Variants in KCNJ1 observed in about 807,000 individuals in gnomAD.
KCNJ1 encodes potassium inwardly rectifying channel subfamily J member 1, also known as ATP-sensitive inward rectifier potassium channel 1.
KCNJ1 carries 24 observed loss-of-function variants against 21.9 expected under a neutral mutation model. That is an observed-to-expected ratio of 1.10 (90% CI 0.79 to 1.54). The LOEUF is 1.54. Among genes scored for constraint, KCNJ1 ranks in the 40% most tolerant of loss-of-function variants. The pLI, the probability that KCNJ1 is intolerant of heterozygous loss-of-function variation, is 0.00. For synonymous variants in KCNJ1, 152 were observed against 160.9 expected, an observed-to-expected ratio of 0.94 and a Z score of 0.42; for missense variants, 457 against 455.4, an observed-to-expected ratio of 1.00 and a Z score of -0.03.
intron 1 of KCNJ1, among the ~76,000 whole-genome samples, chr11:128,860,538 T>C (rs1943686281): frequency 6.6e-6 from 1 of 152,186 alleles, no homozygotes; most frequent in Admixed American, 6.5e-5. Context: ...AAGTCAGAGA[T>C]TCCAGAAGAT....
At chr11:128,860,185 T>A (rs1239936623) in intron 1 of KCNJ1, among the ~76,000 whole-genome samples, 1 of 152,208 alleles carries the variant, frequency 6.6e-6, no homozygotes, top group Admixed American at 6.5e-5. Flanking sequence ...CCCAGGGCCA[T>A]CGTTCAGATT....
At chr11:128,850,540 A>G (rs925444286) in intron 2 of KCNJ1, among the ~76,000 whole-genome samples, 181 bp downstream of exon 2, 9 of 152,204 alleles carry the variant, frequency 5.9e-5, no homozygotes, top group Non-Finnish European at 1.2e-4. Context: ...GGAGAGAGCA[A>G]TGCCAGCCTA....
At chr11:128,840,662 T>C (rs1032132237) in intron 2 of KCNJ1, among the ~76,000 whole-genome samples, 1 of 152,260 alleles carries the variant, frequency 6.6e-6, no homozygotes, top group African/African-American at 2.4e-5. Context: ...TGTTAAGCAA[T>C]AATTTCTGAG....
intron 2 of KCNJ1, among the ~76,000 whole-genome samples, chr11:128,844,155 C>T (rs1014566290): frequency 6.6e-6 from 1 of 152,192 alleles, no homozygotes; most frequent in African/African-American, 2.4e-5. Context: ...TATCTGGTGG[C>T]TCCCACTCTA....
At chr11:128,840,363 A>G in intron 2 of KCNJ1, 99 bp from the exon 3 acceptor site, 1 of 1,140,066 alleles carries the variant, frequency 8.8e-7, no homozygotes, top group Non-Finnish European at 1.3e-6. Context: ...AGATCATTCA[A>G]AATTATCTGG....
chr11:128,863,436 A>C (rs987607872), intron 1 of KCNJ1, among the ~76,000 whole-genome samples: 20 of 152,228 alleles, frequency 1.3e-4, no homozygotes, highest in Admixed American at 1.0e-3. Context: ...ATGGCAGAAC[A>C]CAGCACAGGG....
chr11:128,846,644 G>C (rs150046911), intron 2 of KCNJ1, among the ~76,000 whole-genome samples: 15 of 152,342 alleles, frequency 9.8e-5, no homozygotes, highest in African/African-American at 3.6e-4. Context: ...CAAAAGACTT[G>C]TCTTGGAGAG....
chr11:128,842,516 G>C, intron 2 of KCNJ1: 1 of 1,598,986 alleles, frequency 6.3e-7, no homozygotes, highest in Non-Finnish European at 8.5e-7. Flanking sequence ...ACAGTCAGTG[G>C]ACTGACGCTA....
At chr11:128,843,798 T>C (rs1358484205) in intron 2 of KCNJ1, among the ~76,000 whole-genome samples, 1 of 152,250 alleles carries the variant, frequency 6.6e-6, no homozygotes, top group Non-Finnish European at 1.5e-5. Flanking sequence ...AATGATGATA[T>C]GTTGATACCC....
intron 2 of KCNJ1, among the ~76,000 whole-genome samples, chr11:128,841,671 T>C (rs1943283786): frequency 6.6e-6 from 1 of 152,206 alleles, no homozygotes. Flanking sequence ...AACTGAGTGA[T>C]ACATTTTAAA....
intron 2 of KCNJ1, among the ~76,000 whole-genome samples, chr11:128,843,659 C>A (rs543461421): frequency 6.6e-6 from 1 of 152,220 alleles, no homozygotes; most frequent in African/African-American, 2.4e-5. Context: ...TGGTATAATG[C>A]CAAAAAGAAT....
intron 1 of KCNJ1, among the ~76,000 whole-genome samples, chr11:128,854,171 A>G (rs1475371907): frequency 6.6e-6 from 1 of 152,208 alleles, no homozygotes; most frequent in Non-Finnish European, 1.5e-5. Context: ...GGTCTGTGGG[A>G]TGGGAGGAAA....
rs117421819 is a variant in KCNJ1 at position 128,844,271 on chromosome 11, G to T, written c.-21-4007C>A. Among the ~76,000 whole-genome samples the T allele has an allele frequency of 5.2e-3, 789 of 152,314 alleles. 3 individuals are homozygous for T. The highest frequency in any genetic ancestry group is 8.7e-3 in the Non-Finnish European group (591 of 68,024). On this transcript the variant is annotated intron_variant, in intron 2 of 2. Transcript: ENST00000392666. ...AGAAAACATGGGGGAGCTGAAAGAA[G>T]TTCCAAGTAAGCAAATAATGGAGCA...
chr11:128,858,139 G>A (rs1943623020), intron 1 of KCNJ1, among the ~76,000 whole-genome samples: 1 of 150,990 alleles, frequency 6.6e-6, no homozygotes, highest in Non-Finnish European at 1.5e-5. Context: ...GGATGGTGAG[G>A]GAAGGCGAGG....
At chr11:128,859,995 G>A (rs1943671135) in intron 1 of KCNJ1, among the ~76,000 whole-genome samples, 1 of 152,218 alleles carries the variant, frequency 6.6e-6, no homozygotes. Context: ...ACTCGCCTCC[G>A]CCGGGCCTCC....
chr11:128,843,806 C>T lies in KCNJ1; in HGVS notation c.-21-3542G>A, dbSNP rs542347801. On this transcript the variant is annotated intron_variant, in intron 2 of 2. Transcript: ENST00000392666. The stretch of plus-strand genomic sequence containing the variant: ...ACTATTCAATGATGATATGTTGATA[C>T]CCAATGTTGACTGTGTGTGCTGACC... Among the ~76,000 whole-genome samples the T allele has an allele frequency of 9.0e-4, 137 of 152,220 alleles. 1 individual carries two copies. The highest frequency in any genetic ancestry group is 6.8e-3 in the Middle Eastern group (2 of 294).
intron 1 of KCNJ1, among the ~76,000 whole-genome samples, chr11:128,857,739 A>G (rs1001597897): frequency 3.3e-5 from 5 of 152,204 alleles, no homozygotes; most frequent in Non-Finnish European, 5.9e-5. Flanking sequence ...ATAAGTGCCA[A>G]TGCTGACAGG....
intron 1 of KCNJ1, among the ~76,000 whole-genome samples, chr11:128,861,241 C>A (rs1943701566): frequency 6.6e-6 from 1 of 152,236 alleles, no homozygotes; most frequent in African/African-American, 2.4e-5. Flanking sequence ...AGCTTCCGCC[C>A]GAGGCGCTTT....
intron 1 of KCNJ1, among the ~76,000 whole-genome samples, chr11:128,855,323 CT>C (rs1395388664): frequency 6.6e-6 from 1 of 152,076 alleles, no homozygotes; most frequent in East Asian, 1.9e-4. Flanking sequence ...CCTTTCCCAC[CT>C]TGCCAAGGTC....
Sources: gnomAD v4.1 joint callset for allele counts (sites outside exome capture counted in the v4.1 genomes callset) on GRCh38, gnomAD v4.1.1 for gene constraint, MANE v1.5 for transcripts, NCBI Gene and HGNC (gene_info 2026-07-23, HGNC 2026-07-21) for gene names.